The following ZER1 variants were observed in gnomAD, a reference collection of about 807,000 sequenced individuals.
ZER1 encodes the protein zyg-11 related cell cycle regulator.
Under a neutral mutation model 78.8 loss-of-function variants are expected in ZER1, and 11 were observed. The ratio of observed to expected loss-of-function variants is 0.14; its 90% confidence interval spans 0.09 to 0.23. The LOEUF is 0.23. Among genes scored for constraint, ZER1 ranks in the 10% least tolerant of loss-of-function variants. ZER1 has a pLI of 1.00. For synonymous variants in ZER1, 400 were observed against 407.0 expected, an observed-to-expected ratio of 0.98 and a Z score of 0.21; for missense variants, 588 against 996.9, an observed-to-expected ratio of 0.59 and a Z score of 5.52.
intron 15 of ZER1, among the ~76,000 whole-genome samples, chr9:128,731,794 A>G (rs892872588): frequency 6.6e-6 from 1 of 152,176 alleles, no homozygotes; most frequent in East Asian, 1.9e-4. Flanking sequence ...GTGGTCCCCA[A>G]ACTGACTGCA....
rs1863659341 is a variant in ZER1, at chr9:128,751,045, G to A, written c.1185+77C>T. 1 of 1,513,866 alleles carries A rather than the reference G, an allele frequency of 6.6e-7. No homozygotes were observed. The highest frequency in any genetic ancestry group is 8.8e-7 in the Non-Finnish European group (1 of 1,131,404). The allele number at this position is 1,513,866 out of a possible 1,614,324, so 93.8% of individuals were successfully genotyped here. A position where few individuals can be genotyped will look rare whatever the true frequency, so the allele number is the denominator to read the frequency against. ...AGGGTGCAGAAGGACACAGGCTCTG[G>A]GGACACGGCTCAGCCAAGCCCGGCA... On this transcript the variant is annotated intron_variant, in intron 7 of 15. Coordinates refer to ENST00000291900, the MANE Select transcript of ZER1 (RefSeq NM_006336.4). This position sits in a 1 kb window ranked among gnomAD's most constrained non-coding sequence, Gnocchi z 5.4.
Position 128,753,101 on chromosome 9 carries a change from C to T in ZER1, c.746+63G>A. On this transcript the variant is annotated intron_variant, in intron 4 of 15. Coordinates refer to ENST00000291900, the MANE Select transcript of ZER1 (RefSeq NM_006336.4). This position sits in a 1 kb window ranked among gnomAD's most constrained non-coding sequence, Gnocchi z 7.5. ...AACCCTGAGGGCGTGACAACACCCACCTCTACTCCTCCCCACCTGCCCCCC... is the reference window on the plus strand; with the variant it reads ...AACCCTGAGGGCGTGACAACACCCATCTCTACTCCTCCCCACCTGCCCCCC... 6.9e-7 allele frequency: 1 copy of T among 1,452,220 alleles called. No individual in the cohort carries two copies. The highest frequency in any genetic ancestry group is 9.1e-7 in the Non-Finnish European group (1 of 1,094,906). 90.0% of individuals were successfully genotyped at this position (1,452,220 alleles called of 1,614,324 possible).
At position 128,732,813 on chromosome 9, in the gene ZER1, C is replaced by G. The variant is rs893997048; in HGVS notation, c.2243+613G>C. ...ATACAGAGCCATGAAAAAGTGTGCT[C>G]GGGTCAGCTTGACTGTTCTCCCTTC... On this transcript the variant is annotated intron_variant, in intron 15 of 15. Coordinates refer to ENST00000291900, the MANE Select transcript of ZER1 (RefSeq NM_006336.4). This position sits in a 1 kb window ranked among gnomAD's most constrained non-coding sequence, Gnocchi z 4.8. 1.3e-5 allele frequency: 2 copies of G among 152,888 alleles called. No individual in the cohort carries two copies. The highest frequency in any genetic ancestry group is 4.8e-5 in the African/African-American group (2 of 41,440). 9.5% of individuals were successfully genotyped at this position (152,888 alleles called of 1,614,324 possible).
intron 8 of ZER1, chr9:128,746,249 C>T (rs1863486084): frequency 6.6e-6 from 1 of 152,192 alleles, no homozygotes; most frequent in African/African-American, 2.4e-5. Flanking sequence ...TTGGCAGGTT[C>T]TGCTGGTTGC....
At chr9:128,763,590 C>T (rs779454005) in intron 1 of ZER1, among the ~76,000 whole-genome samples, 21 of 152,232 alleles carry the variant, frequency 1.4e-4, no homozygotes, top group Non-Finnish European at 2.9e-4. Flanking sequence ...AAGCGCCTGT[C>T]GCGTAACTGG....
Position 128,741,470 on chromosome 9 carries a change from C to G in ZER1, c.1737+65G>C, listed in dbSNP as rs554762266. 1.3e-5 allele frequency: 21 copies of G among 1,611,664 alleles called. No individual in the cohort carries two copies. In the African/African-American group the frequency reaches 1.3e-4, roughly 10 times the overall value. On this transcript the variant is annotated intron_variant, in intron 11 of 15. Transcript: ENST00000291900. ...GCTGCGGATTTGGTTGGTGGGGAGC[C>G]TAGGGACAGAAGAGGGGCCATGTGG...
chr9:128,757,487 G>A (rs1042544130), intron 1 of ZER1, among the ~76,000 whole-genome samples: 5 of 151,508 alleles, frequency 3.3e-5, no homozygotes, highest in Admixed American at 6.6e-5. Flanking sequence ...GCACCACCGC[G>A]CTCTAGCCTG....
At chr9:128,761,109 G>C (rs1864028597) in intron 1 of ZER1, among the ~76,000 whole-genome samples, 1 of 140,064 alleles carries the variant, frequency 7.1e-6, no homozygotes, top group Non-Finnish European at 1.5e-5. Flanking sequence ...AGTGAGCCGA[G>C]ATCGCGCCAC....
chr9:128,765,949 CAGAG>C (rs1864193469), intron 1 of ZER1, among the ~76,000 whole-genome samples: 2 of 152,188 alleles, frequency 1.3e-5, no homozygotes, highest in Admixed American at 1.3e-4. Context: ...ATGCTGGAGA[CAGAG>C]AGGCCTTGAG....
chr9:128,737,609 T>C (rs985043407), intron 13 of ZER1, among the ~76,000 whole-genome samples: 3 of 152,146 alleles, frequency 2.0e-5, no homozygotes, highest in African/African-American at 7.2e-5. Flanking sequence ...AGTAATGAAA[T>C]CTGTGCATAG....
chr9:128,741,621 G>C lies in ZER1; in HGVS notation c.1651C>G (p.Leu551Val). The change falls in exon 11 of 16, where the codon CTG becomes GTG. Residue 551 changes from leucine (L) to valine (V), a missense_variant. Around this residue, in one of 3 missense-constraint regions of ZER1, gnomAD observed 60 missense variants for 163.3 expected, o/e 0.37. Coordinates refer to ENST00000291900, the MANE Select transcript of ZER1 (RefSeq NM_006336.4). ...GGAGTTTCATCTGTGATGTTCCACA[G>C]GGCACTCCAGGAGAACTCCATGACC... ...DQVMEFSWSA[L>V]WNITDETPDN... 3 of 1,614,146 alleles carry C rather than the reference G, an allele frequency of 1.9e-6. No individual in the cohort carries two copies. Among genetic ancestry groups the C allele is most frequent in the Non-Finnish European group, 2.5e-6 (3 of 1,180,018 alleles).
chr9:128,732,014 C>G lies in ZER1; in HGVS notation c.2244-620G>C, dbSNP rs569578247. 1.1e-4 allele frequency among the ~76,000 whole-genome samples: 17 copies of G among 152,354 alleles called. No homozygotes were observed. Among genetic ancestry groups the G allele is most frequent in the Non-Finnish European group, 2.5e-4 (17 of 68,044 alleles). Reference sequence around the variant, plus strand: ...CCCGGACAGCTTGCCCATTCAACACCAAGCCTGTGGTTTGGGGGCTTCACT... The same window carrying G: ...CCCGGACAGCTTGCCCATTCAACACGAAGCCTGTGGTTTGGGGGCTTCACT... On this transcript the variant is annotated intron_variant, in intron 15 of 15. Transcript: ENST00000291900. The surrounding 1 kb of genome is among the most constrained non-coding windows in gnomAD (Gnocchi z 4.8).
intron 1 of ZER1, among the ~76,000 whole-genome samples, chr9:128,761,937 A>G (rs373664933): frequency 9.2e-6 from 1 of 108,832 alleles, no homozygotes; most frequent in East Asian, 2.7e-4. Flanking sequence ...ACTCAAGGTC[A>G]AACAGAGGGA....
In ZER1 at chr9:128,754,275, G is replaced by A. The variant is rs141479204; in HGVS notation, c.159-316C>T. Among the ~76,000 whole-genome samples the A allele has an allele frequency of 4.8e-4, 73 of 152,278 alleles. No individual in the cohort carries two copies. The highest frequency in any genetic ancestry group is 2.9e-5 in the Non-Finnish European group (2 of 68,032). ...CAGCCCCACTGGCATGGCCACTCTC[G>A]TCACCTTCTTTAAGCCCCTCCTGCG... On this transcript the variant is annotated intron_variant, in intron 2 of 15. Transcript: ENST00000291900. The surrounding 1 kb of genome is among the most constrained non-coding windows in gnomAD (Gnocchi z 4.3).
chr9:128,766,154 T>G (rs542375667), intron 1 of ZER1, among the ~76,000 whole-genome samples: 4 of 151,792 alleles, frequency 2.6e-5, no homozygotes, highest in South Asian at 4.2e-4. Flanking sequence ...ATTGAGACCA[T>G]CCTGGCCAAC....
In ZER1 at chr9:128,771,900, C is replaced by T. The variant is rs112499380; in HGVS notation, c.-414G>A. On this transcript the variant is annotated 5_prime_UTR_variant, in exon 1 of 16. Coordinates refer to ENST00000291900, the MANE Select transcript of ZER1 (RefSeq NM_006336.4). ...GCTCCTACGGCTCGGAGCCTGCAGC[C>T]GCCGCCGCCTCCGCTGTCAACAAAC... The T allele has an allele frequency of 1.3e-5, 2 of 152,400 alleles. No homozygotes were observed. Among genetic ancestry groups the T allele is most frequent in the Non-Finnish European group, 2.9e-5 (2 of 68,214 alleles). The allele number at this position is 152,400 out of a possible 1,614,324, so 9.4% of individuals were successfully genotyped here.
rs773192183 is a variant in ZER1, at chr9:128,753,643, C to G, written c.310-43G>C. 1 of 1,596,708 alleles carries G rather than the reference C, an allele frequency of 6.3e-7. No homozygotes were observed. The highest frequency in any genetic ancestry group is 2.2e-5 in the East Asian group (1 of 44,634). ...TCCATCATCATCACCACCCTTGCCC[C>G]TTCCCCCGGCCCCAGGCCTTGCCCT... On this transcript the variant is annotated intron_variant, in intron 3 of 15. Coordinates refer to ENST00000291900, the MANE Select transcript of ZER1 (RefSeq NM_006336.4). The surrounding 1 kb of genome is among the most constrained non-coding windows in gnomAD (Gnocchi z 7.5).
At chr9:128,756,656 C>T (rs7020363) in intron 1 of ZER1, among the ~76,000 whole-genome samples, 151,750 of 152,336 alleles carry the variant, frequency 1, 75,587 homozygotes, top group Middle Eastern at 1. Flanking sequence ...AGTCATATAC[C>T]GTATGATTCC....
At chr9:128,741,206 C>T (rs781338848) in intron 11 of ZER1, among the ~76,000 whole-genome samples, 3 of 152,178 alleles carry the variant, frequency 2.0e-5, no homozygotes, top group Non-Finnish European at 2.9e-5. Context: ...GAAAACAGAG[C>T]ATGTGTTTAA....
Sources: gnomAD v4.1 joint callset for allele counts (sites outside exome capture counted in the v4.1 genomes callset) on GRCh38, gnomAD v4.1.1 for gene constraint, gnomAD v4.1.1 regional missense constraint, Gnocchi (gnomAD v3.1) non-coding constraint, MANE v1.5 for transcripts, NCBI Gene and HGNC (gene_info 2026-07-23, HGNC 2026-07-21) for gene names.